The following TLE6 variants were observed in gnomAD, a reference collection of about 807,000 sequenced individuals.
The protein encoded by TLE6 is TLE family member 6, subcortical maternal complex member.
Under a neutral mutation model 77.1 loss-of-function variants are expected in TLE6, and 72 were observed. The ratio of observed to expected loss-of-function variants is 0.93; its 90% CI spans 0.77 to 1.14. The LOEUF (loss-of-function observed/expected upper bound fraction) is 1.14, where lower values mean the gene tolerates loss of function less well. Ranked by LOEUF, TLE6 falls within the 50% of genes most tolerant of loss-of-function variation. TLE6 has a pLI of 0.00. For synonymous variants in TLE6, 366 were observed against 287.3 expected, an observed-to-expected ratio of 1.27 and a Z score of -2.77; for missense variants, 843 against 747.6, an observed-to-expected ratio of 1.13 and a Z score of -1.49.
rs73514542 is a variant in TLE6 at position 2,981,466 on chromosome 19, G to C, written c.135-72G>C. 9,026 of 1,503,694 alleles carry C rather than the reference G, an allele frequency of 6.0e-3. 484 individuals carry two copies. In the African/African-American group the frequency reaches 0.11, roughly 19 times the overall value. 93.1% of individuals were successfully genotyped at this position (1,503,694 alleles called of 1,614,324 possible). On this transcript the variant is annotated intron_variant, in intron 3 of 16. Coordinates refer to ENST00000246112, the MANE Select transcript of TLE6 (RefSeq NM_001143986.2). ...TTCATTGAGACCCTCCCTAGGGGTT[G>C]AGGGTGGGGCTCACTCTGGGGAGGG...
chr19:2,986,071 CAAAAAAAAAAAAAAAAAAAAAAA>C lies in TLE6; in HGVS notation c.223-741_223-719del, dbSNP rs547031586. 5.3e-4 allele frequency among the ~76,000 whole-genome samples: 22 copies of C among 41,276 alleles called. 1 individual carries two copies. The highest frequency in any genetic ancestry group is 2.5e-3 in the East Asian group (2 of 802). 27.1% of individuals were successfully genotyped at this position (41,276 alleles called of 152,430 possible). ...CCTGGGCCACAGCGTGAGACTGTCT[CAAAAAAAAAAAAAAAAAAAAAAA>C]AAAAAAAAAAAAAAAAGATATATGC... On this transcript the variant is annotated intron_variant, in intron 5 of 16. Coordinates refer to ENST00000246112, the MANE Select transcript of TLE6 (RefSeq NM_001143986.2).
chr19:2,982,335 C>T (rs1433427064), intron 5 of TLE6, 146 bp downstream of exon 5: 12 of 800,026 alleles, frequency 1.5e-5, no homozygotes, highest in African/African-American at 3.6e-5. Context: ...GTCAGGAGTT[C>T]GAGACCAGCC....
intron 3 of TLE6, among the ~76,000 whole-genome samples, chr19:2,981,015 C>T (rs1205579521): frequency 6.6e-6 from 1 of 151,348 alleles, no homozygotes; most frequent in East Asian, 1.9e-4. Context: ...TGTACCACTG[C>T]ACCCTAGCCC....
At chr19:2,980,334 C>G in intron 3 of TLE6, 152 bp downstream of exon 3, 1 of 508,874 alleles carries the variant, frequency 2.0e-6, no homozygotes. Flanking sequence ...CATGGAGAAC[C>G]CGGCAATACC....
rs946277595 is a variant in TLE6, at chr19:2,995,064, C to CA, written c.*60_*61insA. 9.8e-7 allele frequency: 1 copy of CA among 1,023,364 alleles called. No homozygotes were observed. Among genetic ancestry groups the CA allele is most frequent in the Non-Finnish European group, 1.5e-6 (1 of 681,790 alleles). The allele number at this position is 1,023,364 out of a possible 1,614,324, so 63.4% of individuals were successfully genotyped here. A position where few individuals can be genotyped will look rare whatever the true frequency, so the allele number is the denominator to read the frequency against. On this transcript the variant is annotated 3_prime_UTR_variant, in exon 17 of 17. Transcript: ENST00000246112. ...CTTTTCATCCCCCCCCTTCCCCCCC[C>CA]CCAACAAGGGGGACATGGTGGAGGG...
chr19:2,980,340 A>G (rs2088773469), intron 3 of TLE6, 158 bp downstream of exon 3: 2 of 508,670 alleles, frequency 3.9e-6, no homozygotes, highest in Non-Finnish European at 7.0e-6. Flanking sequence ...GAACCCGGCA[A>G]TACCCATCCC....
Position 2,987,895 on chromosome 19 carries a change from T to G in TLE6, c.626-3T>G. 6.2e-7 allele frequency: 1 copy of G among 1,610,038 alleles called. No individual in the cohort carries two copies. Among genetic ancestry groups the G allele is most frequent in the Non-Finnish European group, 8.5e-7 (1 of 1,177,392 alleles). On this transcript the variant is annotated splice_region_variant and splice_polypyrimidine_tract_variant and intron_variant, in intron 9 of 16. Coordinates refer to ENST00000246112, the MANE Select transcript of TLE6 (RefSeq NM_001143986.2). ...CGCTTAGCCCCTCTTGTCTCCCCAC[T>G]AGCCCCCAGGCCACCTGAGGCCTCC...
intron 9 of TLE6, 23 bp downstream of exon 9, chr19:2,987,813 G>T (rs138741196): frequency 2.5e-6 from 4 of 1,614,052 alleles, no homozygotes; most frequent in Non-Finnish European, 3.4e-6. Context: ...GGCAGGGGCC[G>T]ACCGACTCCA....
intron 13 of TLE6, among the ~76,000 whole-genome samples, 169 bp downstream of exon 13, chr19:2,989,954 GT>G (rs10716796): frequency 0.35 from 52,656 of 151,994 alleles, 11,275 homozygotes; most frequent in African/African-American, 0.6. Context: ...ATTTGAGAAA[GT>G]TTAGAGGTGC....
At chr19:2,981,633 G>A (rs2088799864) in intron 4 of TLE6, 50 bp downstream of exon 4, 6 of 1,539,898 alleles carry the variant, frequency 3.9e-6, no homozygotes, top group South Asian at 2.4e-5. Flanking sequence ...ACTGGGACAA[G>A]CTGAGGCCCT....
intron 5 of TLE6, among the ~76,000 whole-genome samples, chr19:2,984,668 A>T (rs1012192324): frequency 1.3e-5 from 2 of 151,850 alleles, no homozygotes; most frequent in African/African-American, 4.8e-5. Context: ...GGGTTTTGCC[A>T]TGTTGGCCAG....
chr19:2,983,886 C>T (rs1190977451), intron 5 of TLE6: 4 of 152,670 alleles, frequency 2.6e-5, no homozygotes, highest in East Asian at 1.9e-4. Context: ...GGAACTTGAC[C>T]GCAGCTGCTG....
At position 2,989,611 on chromosome 19, in the gene TLE6, C is replaced by T. The variant is rs2088997252; in HGVS notation, c.1070C>T (p.Ala357Val). 1.2e-6 allele frequency: 2 copies of T among 1,614,086 alleles called. No homozygotes were observed. The highest frequency in any genetic ancestry group is 1.3e-5 in the African/African-American group (1 of 75,060). The change falls in exon 13 of 17, where the codon GCC becomes GTC. Residue 357 changes from alanine to valine, a missense_variant. Transcript: ENST00000246112. ...RSLLTGGYNL[A>V]SVSVWDLAAP... is the part of the protein sequence containing the mutation. Reference sequence around the variant, plus strand: ...CTGCTCACCGGTGGCTACAACCTGGCCAGCGTGAGCGTGTGGGACCTGGCG... The same window carrying T: ...CTGCTCACCGGTGGCTACAACCTGGTCAGCGTGAGCGTGTGGGACCTGGCG...
At position 2,989,540 on chromosome 19, in the gene TLE6, T is replaced by G. The variant is rs773707724; in HGVS notation, c.999T>G (p.Pro333=). 2 of 1,611,674 alleles carry G rather than the reference T, an allele frequency of 1.2e-6. No homozygotes were observed. Among genetic ancestry groups the G allele is most frequent in the South Asian group, 2.2e-5 (2 of 90,938 alleles). The stretch of plus-strand genomic sequence containing the variant: ...AGTGACTCTGCCCATCCCAGACCCC[T>G]GGGGCCTTCCTGCGCACCTGCCTGC... ...FPESHLPIQT[P]GAFLRTCLLS... The change falls in exon 13 of 17, where the codon CCT becomes CCG. Residue 333 remains proline (P), a synonymous_variant. Transcript: ENST00000246112.
Position 2,995,062 on chromosome 19 carries a change from C to CA in TLE6, c.*58_*59insA, listed in dbSNP as rs1555687653. On this transcript the variant is annotated 3_prime_UTR_variant, in exon 17 of 17. Coordinates refer to ENST00000246112, the MANE Select transcript of TLE6 (RefSeq NM_001143986.2). The stretch of plus-strand genomic sequence containing the variant: ...CTCTTTTCATCCCCCCCCTTCCCCC[C>CA]CCCCAACAAGGGGGACATGGTGGAG... The CA allele has an allele frequency of 7.8e-6, 8 of 1,029,384 alleles. No homozygotes were observed. The East Asian group carries it at 2.1e-4, about 27-fold the overall frequency. The allele number at this position is 1,029,384 out of a possible 1,614,324, so 63.8% of individuals were successfully genotyped here.
intron 14 of TLE6, among the ~76,000 whole-genome samples, chr19:2,992,804 C>A (rs969529386): frequency 3.7e-4 from 2 of 5,438 alleles, no homozygotes; most frequent in African/African-American, 7.3e-4. Context: ...GGGGGGGAGG[C>A]GGGTGGGGGG....
chr19:2,992,542 GGGA>G (rs2089093277), intron 14 of TLE6, among the ~76,000 whole-genome samples: 1 of 152,174 alleles, frequency 6.6e-6, no homozygotes, highest in South Asian at 2.1e-4. Context: ...AGGCAGAAGT[GGGA>G]GGAAGACTTG....
intron 5 of TLE6, 100 bp from the exon 6 acceptor site, chr19:2,986,729 T>G (rs2088919536): frequency 8.3e-7 from 1 of 1,210,310 alleles, no homozygotes; most frequent in East Asian, 2.6e-5. Flanking sequence ...AACAAGTAGA[T>G]TGATATACCT....
chr19:2,980,903 T>C (rs1404806831), intron 3 of TLE6, among the ~76,000 whole-genome samples: 1 of 151,378 alleles, frequency 6.6e-6, no homozygotes, highest in African/African-American at 2.4e-5. Context: ...AAAAAAAATC[T>C]AGCTGAGTGT....
Sources: gnomAD v4.1 joint callset for allele counts (sites outside exome capture counted in the v4.1 genomes callset) on GRCh38, gnomAD v4.1.1 for gene constraint, MANE v1.5 for transcripts, NCBI Gene and HGNC (gene_info 2026-07-23, HGNC 2026-07-21) for gene names.